TMEFF2: variants seen among roughly 807,000 people sequenced by gnomAD.
The protein encoded by TMEFF2 is tomoregulin-2.
Under a neutral mutation model 53.8 loss-of-function variants are expected in TMEFF2, and 28 were observed. The observed-to-expected ratio is 0.52, with a 90% CI of 0.39 to 0.71. The LOEUF is 0.71. Ranked by LOEUF, TMEFF2 falls within the 30% of genes least tolerant of loss-of-function variation. TMEFF2 has a pLI of 0.00. For missense variants in TMEFF2, 353 were observed against 455.2 expected, an observed-to-expected ratio of 0.78 and a Z score of 2.04; for synonymous variants, 162 against 166.3, an observed-to-expected ratio of 0.97 and a Z score of 0.20.
chr2:192,016,133 A>G (rs1187497682), intron 5 of TMEFF2, among the ~76,000 whole-genome samples: 2 of 152,180 alleles, frequency 1.3e-5, no homozygotes, highest in Non-Finnish European at 2.9e-5. Context: ...GGTTGTGGCC[A>G]TATCATAAGA....
At chr2:192,036,220 A>C (rs576160543) in intron 5 of TMEFF2, 1 of 152,364 alleles carries the variant, frequency 6.6e-6, no homozygotes, top group Admixed American at 6.5e-5. Flanking sequence ...AAGAGGTTAC[A>C]TTCCAGTTAA....
chr2:192,146,759 C>T (rs1309691814), intron 4 of TMEFF2, among the ~76,000 whole-genome samples: 2 of 151,956 alleles, frequency 1.3e-5, no homozygotes, highest in African/African-American at 4.8e-5. Flanking sequence ...AAAATACTGG[C>T]CAGAGAAACT....
chr2:192,124,177 C>G (rs971391202), intron 4 of TMEFF2, among the ~76,000 whole-genome samples: 2 of 152,212 alleles, frequency 1.3e-5, no homozygotes, highest in Non-Finnish European at 2.9e-5. Flanking sequence ...TAATCAATCA[C>G]CTGATTTCTA....
At chr2:192,109,639 T>G (rs1440968570) in intron 4 of TMEFF2, among the ~76,000 whole-genome samples, 2 of 152,074 alleles carry the variant, frequency 1.3e-5, no homozygotes, top group African/African-American at 2.4e-5. Flanking sequence ...GCACTACATA[T>G]GGTGGGGAGG....
intron 2 of TMEFF2, among the ~76,000 whole-genome samples, chr2:192,189,002 A>G (rs1053402784): frequency 2.6e-5 from 4 of 152,088 alleles, no homozygotes; most frequent in Non-Finnish European, 5.9e-5. Context: ...ATAAACCTTC[A>G]CATGTACCCC....
intron 4 of TMEFF2, among the ~76,000 whole-genome samples, chr2:192,114,075 T>C (rs1056458686): frequency 4.2e-4 from 59 of 139,802 alleles, no homozygotes; most frequent in South Asian, 2.2e-3. Flanking sequence ...TGTGTGTGTG[T>C]GTGTGTGTGT....
chr2:192,038,852 T>C (rs1687400053), intron 5 of TMEFF2, among the ~76,000 whole-genome samples: 1 of 152,202 alleles, frequency 6.6e-6, no homozygotes, highest in Non-Finnish European at 1.5e-5. Context: ...AAAGAAAGCC[T>C]TCCTGACAAG....
chr2:192,045,317 C>A (rs1253205649), intron 5 of TMEFF2, among the ~76,000 whole-genome samples: 1 of 152,162 alleles, frequency 6.6e-6, no homozygotes, highest in Non-Finnish European at 1.5e-5. Context: ...TGTGACTGTA[C>A]ACTGATTCAT....
chr2:191,963,817 G>A (rs1319417065), intron 7 of TMEFF2, among the ~76,000 whole-genome samples: 3 of 152,170 alleles, frequency 2.0e-5, no homozygotes, highest in African/African-American at 7.2e-5. Flanking sequence ...AAGACAAGAT[G>A]ATAGTAATTA....
At chr2:192,034,877 C>T (rs6745296) in intron 5 of TMEFF2, 47,249 of 152,122 alleles carry the variant, frequency 0.31, 7,661 homozygotes, top group Middle Eastern at 0.38. Flanking sequence ...CTGGAGGGGG[C>T]ATGGATGGGT....
Position 192,111,918 on chromosome 2 carries a change from T to C in TMEFF2, c.440-54143A>G, listed in dbSNP as rs530664668. Among the ~76,000 whole-genome samples, 419 of 152,278 alleles carry C rather than the reference T, an allele frequency of 2.8e-3. 2 individuals carry two copies. Among genetic ancestry groups the C allele is most frequent in the Non-Finnish European group, 5.2e-3 (353 of 68,024 alleles). Reference sequence around the variant, plus strand: ...AAGCCTTGGCAGTTTCCACGTGGTGTTGAGCCTGTGGGTGCACAGAAGTCA... The same window carrying C: ...AAGCCTTGGCAGTTTCCACGTGGTGCTGAGCCTGTGGGTGCACAGAAGTCA... On this transcript the variant is annotated intron_variant, in intron 4 of 9. Coordinates refer to ENST00000272771, the MANE Select transcript of TMEFF2 (RefSeq NM_016192.4).
At position 191,953,844 on chromosome 2, in the gene TMEFF2, G is replaced by T. The variant is rs747978268; in HGVS notation, c.870-7C>A. On this transcript the variant is annotated splice_polypyrimidine_tract_variant and splice_region_variant and intron_variant, in intron 8 of 9. Coordinates refer to ENST00000272771, the MANE Select transcript of TMEFF2 (RefSeq NM_016192.4). ...AGTATAACCAGCATCACACCTGGAAGAAATTATAGTGCCCAGTTACCTGTA... is the reference window on the plus strand; with the variant it reads ...AGTATAACCAGCATCACACCTGGAATAAATTATAGTGCCCAGTTACCTGTA... 8.1e-6 allele frequency: 12 copies of T among 1,486,438 alleles called. No individual in the cohort carries two copies. The highest frequency in any genetic ancestry group is 5.3e-5 in the Admixed American group (3 of 56,116). The allele number at this position is 1,486,438 out of a possible 1,614,324, so 92.1% of individuals were successfully genotyped here.
chr2:191,971,543 C>T (rs531177753), intron 7 of TMEFF2, among the ~76,000 whole-genome samples: 2 of 152,330 alleles, frequency 1.3e-5, no homozygotes, highest in African/African-American at 4.8e-5. Flanking sequence ...TAGCAACCCA[C>T]AACTTTTGTT....
rs1177991357 is a variant in TMEFF2, at chr2:192,034,802, G to A, written c.536+22877C>T. On this transcript the variant is annotated intron_variant, in intron 5 of 9. Coordinates refer to ENST00000272771, the MANE Select transcript of TMEFF2 (RefSeq NM_016192.4). Reference sequence around the variant, plus strand: ...GTTGTGAGGAGAAGTCAAGGACAGTGACACAGCCAGCCAGTCTGAGGCATT... The same window carrying A: ...GTTGTGAGGAGAAGTCAAGGACAGTAACACAGCCAGCCAGTCTGAGGCATT... 2.6e-5 allele frequency: 4 copies of A among 152,382 alleles called. No homozygotes were observed. The East Asian group carries it at 7.7e-4, about 29-fold the overall frequency. 9.4% of individuals were successfully genotyped at this position (152,382 alleles called of 1,614,324 possible). A position where few individuals can be genotyped will look rare whatever the true frequency, so the allele number is the denominator to read the frequency against.
chr2:191,978,100 TTCTTTTGATACGATA>T (rs1685773949), intron 7 of TMEFF2, among the ~76,000 whole-genome samples: 1 of 152,218 alleles, frequency 6.6e-6, no homozygotes, highest in African/African-American at 2.4e-5. Context: ...CCTGAACATG[TTCTTTTGATACGATA>T]TTTTTAATCC....
At chr2:192,184,161 T>C (rs1691254860) in intron 3 of TMEFF2, among the ~76,000 whole-genome samples, 193 bp downstream of exon 3, 1 of 152,106 alleles carries the variant, frequency 6.6e-6, no homozygotes, top group African/African-American at 2.4e-5. Context: ...GTAGATATCC[T>C]CTTTCTTCCA....
chr2:192,129,257 CACTA>C (rs568257560), intron 4 of TMEFF2, among the ~76,000 whole-genome samples: 551 of 151,994 alleles, frequency 3.6e-3, no homozygotes, highest in Non-Finnish European at 6.0e-3. Context: ...TAAAAATGTC[CACTA>C]ACTATCTCAT....
At chr2:191,999,838 C>A (rs1411391961) in intron 5 of TMEFF2, among the ~76,000 whole-genome samples, 2 of 151,602 alleles carry the variant, frequency 1.3e-5, no homozygotes, top group East Asian at 3.9e-4. Flanking sequence ...TATAAACAAC[C>A]CTTCTGTATA....
chr2:191,966,435 T>C (rs1692473617), intron 7 of TMEFF2, among the ~76,000 whole-genome samples: 1 of 152,196 alleles, frequency 6.6e-6, no homozygotes. Flanking sequence ...CATTTAAAGA[T>C]TGAAGTATGG....
Sources: allele counts gnomAD v4.1 joint callset (sites outside exome capture counted in the v4.1 genomes callset), GRCh38; gene constraint gnomAD v4.1.1; transcripts MANE v1.5; gene names NCBI Gene and HGNC (gene_info 2026-07-23, HGNC 2026-07-21).